Variants in NLRC5 observed in about 807,000 individuals in gnomAD.
NLRC5 encodes the protein NLR family CARD domain containing 5, also known as protein NLRC5.
NLRC5 carries 114 observed loss-of-function variants against 206.9 expected under a neutral mutation model. The observed-to-expected ratio is 0.55, with a 90% CI of 0.47 to 0.64. NLRC5 has a LOEUF of 0.64. NLRC5 is among the 30% of genes least tolerant of loss of function. The pLI is 0.00. For synonymous variants in NLRC5, 952 were observed against 962.8 expected, an observed-to-expected ratio of 0.99 and a Z score of 0.21; for missense variants, 2,008 against 2,305.5, an observed-to-expected ratio of 0.87 and a Z score of 2.64.
intron 22 of NLRC5, 145 bp downstream of exon 22, chr16:57,046,786 G>T: frequency 3.0e-6 from 2 of 673,318 alleles, no homozygotes; most frequent in East Asian, 2.9e-5. Flanking sequence ...AAGAGGCGTG[G>T]GTGTGAGGGG....
At chr16:57,069,966 G>A (rs1209652128) in intron 37 of NLRC5, 47 bp downstream of exon 37, 1 of 1,491,422 alleles carries the variant, frequency 6.7e-7, no homozygotes, top group Non-Finnish European at 9.1e-7. Flanking sequence ...CCAGCTGAGG[G>A]TGAGGGGTGG....
chr16:57,079,835 A>G (rs1177380350), intron 46 of NLRC5, among the ~76,000 whole-genome samples: 1 of 152,230 alleles, frequency 6.6e-6, no homozygotes, highest in Non-Finnish European at 1.5e-5. Context: ...TGTTGGGTAA[A>G]ACAGTTTACC....
intron 24 of NLRC5, 85 bp from the exon 25 acceptor site, chr16:57,054,665 CT>C: frequency 1.2e-6 from 1 of 849,652 alleles, no homozygotes; most frequent in East Asian, 2.6e-5. Flanking sequence ...GCTGCTAGCC[CT>C]CCCCACCCTC....
At chr16:57,068,785 ACACGTCT>A (rs1421087332) in intron 36 of NLRC5, among the ~76,000 whole-genome samples, 3 of 152,242 alleles carry the variant, frequency 2.0e-5, no homozygotes, top group African/African-American at 7.2e-5. Context: ...ATCCAGGATC[ACACGTCT>A]CATTTAGTGT....
chr16:57,012,386 TG>T (rs773053310), intron 1 of NLRC5, among the ~76,000 whole-genome samples: 21 of 152,336 alleles, frequency 1.4e-4, no homozygotes, highest in Non-Finnish European at 2.5e-4. Context: ...GTGGAATTGC[TG>T]GATTAGATGG....
At position 57,026,094 on chromosome 16, in the gene NLRC5, CA is replaced by C; in HGVS notation, c.1152del (p.Ser385ArgfsTer51). On this transcript the variant is annotated frameshift_variant, in exon 6 of 49. Coordinates refer to ENST00000688547, the MANE Select transcript of NLRC5 (RefSeq NM_001384950.1). LOFTEE classifies it high-confidence loss of function. ...GTGAATCACTTCTTCAGCGCCCAGC[CA>C]TCGCGGGAGGGGGCCCTGGTGGAGT... ...EYVNHFFSAQPSREGALVELQ... is the reference protein window; with the variant it reads ...EYVNHFFSAQXSREGALVELQ... 6.2e-7 allele frequency: 1 copy of C among 1,614,150 alleles called. No homozygotes were observed. The highest frequency in any genetic ancestry group is 8.5e-7 in the Non-Finnish European group (1 of 1,180,046).
intron 38 of NLRC5, among the ~76,000 whole-genome samples, chr16:57,072,458 G>A (rs1437093801): frequency 6.6e-6 from 1 of 152,126 alleles, no homozygotes; most frequent in Non-Finnish European, 1.5e-5. Flanking sequence ...AACAGAAGAG[G>A]AAAGAAACTC....
intron 3 of NLRC5, among the ~76,000 whole-genome samples, chr16:57,021,459 G>A (rs1176447100): frequency 1.3e-5 from 2 of 152,154 alleles, no homozygotes; most frequent in Non-Finnish European, 2.9e-5. Context: ...CCAGGACTCA[G>A]GTGATCCTTC....
At chr16:57,040,391 T>A (rs1233288843) in intron 16 of NLRC5, among the ~76,000 whole-genome samples, 1 of 152,152 alleles carries the variant, frequency 6.6e-6, no homozygotes, top group African/African-American at 2.4e-5. Flanking sequence ...TTAATGATAA[T>A]AGCAGTCAAG....
At chr16:57,047,783 G>A (rs1176738448) in intron 23 of NLRC5, 155 bp downstream of exon 23, 2 of 666,602 alleles carry the variant, frequency 3.0e-6, no homozygotes, top group Non-Finnish European at 5.3e-6. Flanking sequence ...GTAGAAACTT[G>A]GCTGTCTCTC....
At chr16:57,056,169 C>T (rs1420151163) in intron 27 of NLRC5, among the ~76,000 whole-genome samples, 1 of 152,200 alleles carries the variant, frequency 6.6e-6, no homozygotes, top group Non-Finnish European at 1.5e-5. Context: ...CCTGCTCAGA[C>T]GCATTGGGAA....
At chr16:57,081,397 G>T in intron 47 of NLRC5, 130 bp from the exon 48 acceptor site, 2 of 969,968 alleles carry the variant, frequency 2.1e-6, no homozygotes, top group Non-Finnish European at 3.2e-6. Context: ...TTGTCTTTTG[G>T]GTTCCCTGAG....
intron 21 of NLRC5, among the ~76,000 whole-genome samples, chr16:57,045,975 A>G (rs138649996): frequency 1.3e-5 from 2 of 152,326 alleles, no homozygotes; most frequent in Non-Finnish European, 2.9e-5. Context: ...GCTGCCCTCT[A>G]GTGGGACCAG....
rs765988519 is a variant in NLRC5 at position 57,028,355 on chromosome 16, T to C, written c.2213T>C (p.Leu738Ser). 1 of 1,614,202 alleles carries C rather than the reference T, an allele frequency of 6.2e-7. No homozygotes were observed. The highest frequency in any genetic ancestry group is 8.5e-7 in the Non-Finnish European group (1 of 1,180,022). ...GGCATCAGCCACCTGGTGAAAGCTT[T>C]GCCTCTCTGTCCACAGCTGAAAGAA... ...ARGISHLVKA[L>S]PLCPQLKEVS... Residue 738 changes from leucine to serine, a missense_variant, in exon 8 of 49, where the codon TTG becomes TCG. Leu to Ser is a moderately radical substitution (Grantham distance 145). Transcript: ENST00000688547.
Position 57,077,766 on chromosome 16 carries a change from A to C in NLRC5, c.4967A>C (p.Glu1656Ala), listed in dbSNP as rs747384910. 1 of 1,605,040 alleles carries C rather than the reference A, an allele frequency of 6.2e-7. No homozygotes were observed. Among genetic ancestry groups the C allele is most frequent in the South Asian group, 1.1e-5 (1 of 89,996 alleles). Reference sequence around the variant, plus strand: ...TCAGCCGGGGGAGTGCAGTTGGCAGAGTCTCTCGTTCTTTGCAGGCGCCTG... The same window carrying C: ...TCAGCCGGGGGAGTGCAGTTGGCAGCGTCTCTCGTTCTTTGCAGGCGCCTG... ...ISSAGGVQLA[E>A]SLVLCRRLEE... Residue 1656 changes from glutamate to alanine, a missense_variant, in exon 42 of 49, where the codon GAG becomes GCG. By Grantham distance (107) the Glu-to-Ala change is moderately radical (BLOSUM62 -1). Transcript: ENST00000688547.
At position 57,043,622 on chromosome 16, in the gene NLRC5, C is replaced by T; in HGVS notation, c.3203+18C>T. 2 of 1,598,098 alleles carry T rather than the reference C, an allele frequency of 1.3e-6. No homozygotes were observed. The highest frequency in any genetic ancestry group is 1.1e-5 in the South Asian group (1 of 90,770). On this transcript the variant is annotated intron_variant, in intron 20 of 48. Transcript: ENST00000688547. ...GACATCAGGTGAGCGTGCCTCTCCG[C>T]CCCCAGCCCTGCCCCTGTCCCCCAT... is the stretch of plus-strand genomic sequence containing the variant.
chr16:57,034,373 G>A lies in NLRC5; in HGVS notation c.2627+122G>A, dbSNP rs75395480. On this transcript the variant is annotated intron_variant, in intron 13 of 48. Transcript: ENST00000688547. ...CATGCTGCCTCATGAAGAATTTGGG[G>A]GAATCAGATCATTGTAACAGCTGCT... 3,535 of 713,384 alleles carry A rather than the reference G, an allele frequency of 5.0e-3. 87 individuals are homozygous for A. The African/African-American group carries it at 0.055, about 11-fold the overall frequency. 44.2% of individuals were successfully genotyped at this position (713,384 alleles called of 1,614,324 possible). A position where few individuals can be genotyped will look rare whatever the true frequency, so the allele number is the denominator to read the frequency against.
In NLRC5 at chr16:57,065,414, T is replaced by C. The variant is rs570354360; in HGVS notation, c.4241+116T>C. 4.6e-6 allele frequency: 3 copies of C among 645,948 alleles called. No individual in the cohort carries two copies. The East Asian group carries it at 1.0e-4, about 22-fold the overall frequency. The allele number at this position is 645,948 out of a possible 1,614,324, so 40.0% of individuals were successfully genotyped here. ...AGCTGTGTCACCAGCTAGTTTTCCA[T>C]GTCCCCAGGGTAGCAGGAGCTCCTG... is the stretch of plus-strand genomic sequence containing the variant. On this transcript the variant is annotated intron_variant, in intron 33 of 48. Coordinates refer to ENST00000688547, the MANE Select transcript of NLRC5 (RefSeq NM_001384950.1).
At chr16:57,074,328 A>G in intron 38 of NLRC5, 1 of 306,062 alleles carries the variant, frequency 3.3e-6, no homozygotes, top group Non-Finnish European at 6.4e-6. Flanking sequence ...ACATTTTATG[A>G]TCAATGTGTG....
Sources: allele counts gnomAD v4.1 joint callset (sites outside exome capture counted in the v4.1 genomes callset), GRCh38; gene constraint gnomAD v4.1.1; transcripts MANE v1.5; gene names NCBI Gene and HGNC (gene_info 2026-07-23, HGNC 2026-07-21).